The following CKAP5 variants were observed in gnomAD, a reference collection of about 807,000 sequenced individuals.
CKAP5 encodes the protein cytoskeleton associated protein 5, also known as cytoskeleton-associated protein 5.
A neutral mutation model predicts 232.8 loss-of-function variants in CKAP5; 27 were observed. The ratio of observed to expected loss-of-function variants is 0.12; its 90% CI spans 0.09 to 0.16. The LOEUF (loss-of-function observed/expected upper bound fraction) is 0.16, where lower values mean the gene tolerates loss of function less well. CKAP5 is among the 10% of genes least tolerant of loss of function. The pLI, the probability that CKAP5 is intolerant of heterozygous loss-of-function variation, is 1.00. For synonymous variants in CKAP5, 785 were observed against 841.1 expected, an observed-to-expected ratio of 0.93 and a Z score of 1.16; for missense variants, 1,838 against 2,424.7, an observed-to-expected ratio of 0.76 and a Z score of 5.08.
At chr11:46,842,043 T>C (rs1270792051) in intron 1 of CKAP5, among the ~76,000 whole-genome samples, 2 of 150,440 alleles carry the variant, frequency 1.3e-5, no homozygotes, top group African/African-American at 2.4e-5. Flanking sequence ...CCCTTGGTTA[T>C]TGTTATCTGT....
chr11:46,778,048 T>A, intron 22 of CKAP5, 91 bp downstream of exon 22: 1 of 1,027,482 alleles, frequency 9.7e-7, no homozygotes, highest in Non-Finnish European at 1.4e-6. Context: ...AAGTAACCAC[T>A]TATTTTTTGC....
intron 40 of CKAP5, 93 bp downstream of exon 40, chr11:46,751,025 C>G (rs987015318): frequency 4.1e-5 from 61 of 1,490,022 alleles, no homozygotes; most frequent in Non-Finnish European, 5.2e-5. Flanking sequence ...CACCTTGGAC[C>G]TTCGGAAAGC....
chr11:46,789,163 A>G (rs971861601), intron 15 of CKAP5, among the ~76,000 whole-genome samples: 1 of 152,206 alleles, frequency 6.6e-6, no homozygotes, highest in African/African-American at 2.4e-5. Context: ...ATAGATTTGA[A>G]GTTCTAAAGT....
At chr11:46,815,941 CCT>C (rs1481752392) in intron 4 of CKAP5, among the ~76,000 whole-genome samples, 3 of 152,132 alleles carry the variant, frequency 2.0e-5, no homozygotes, top group African/African-American at 2.4e-5. Context: ...AGAATTACCC[CCT>C]GAGCTCTGCC....
intron 28 of CKAP5, 30 bp from the exon 29 acceptor site, chr11:46,763,660 AC>A (rs2065175719): frequency 6.8e-7 from 1 of 1,477,582 alleles, no homozygotes; most frequent in Non-Finnish European, 9.0e-7. Flanking sequence ...AAAAGGGGCT[AC>A]AGGGTGTTCA....
intron 1 of CKAP5, among the ~76,000 whole-genome samples, chr11:46,822,742 A>C (rs58492437): frequency 8.8e-3 from 45 of 5,112 alleles, no homozygotes; most frequent in African/African-American, 0.037. Context: ...ACTCCGTCCC[A>C]AAAAAAAAAA....
chr11:46,788,409 TA>T (rs1736874669), intron 16 of CKAP5, among the ~76,000 whole-genome samples: 1 of 152,168 alleles, frequency 6.6e-6, no homozygotes, highest in South Asian at 2.1e-4. Flanking sequence ...ACCGCGTCTC[TA>T]CTAAAAATAC....
intron 7 of CKAP5, among the ~76,000 whole-genome samples, chr11:46,809,126 G>A (rs1303917185): frequency 6.6e-6 from 1 of 152,168 alleles, no homozygotes; most frequent in Middle Eastern, 3.2e-3. Context: ...GGAGGAATCC[G>A]GAGCTCTTTA....
chr11:46,744,394 CCCTGAACTG>C, intron 43 of CKAP5, 23 bp downstream of exon 43: 1 of 1,614,126 alleles, frequency 6.2e-7, no homozygotes. Flanking sequence ...TGACTACCCT[CCCTGAACTG>C]CACAGAAGAA....
chr11:46,813,174 C>G (rs1383153540), intron 4 of CKAP5, among the ~76,000 whole-genome samples: 2 of 152,038 alleles, frequency 1.3e-5, no homozygotes, highest in Non-Finnish European at 2.9e-5. Context: ...CCTACATAAT[C>G]TCTAAGATTT....
At chr11:46,775,837 AG>A (rs1266672210) in intron 24 of CKAP5, among the ~76,000 whole-genome samples, 2 of 151,712 alleles carry the variant, frequency 1.3e-5, no homozygotes, top group Non-Finnish European at 2.9e-5. Context: ...TAGCGGGGCA[AG>A]GGGAGGGATA....
At chr11:46,794,707 G>A (rs1938827972) in intron 13 of CKAP5, among the ~76,000 whole-genome samples, 1 of 152,042 alleles carries the variant, frequency 6.6e-6, no homozygotes, top group African/African-American at 2.4e-5. Flanking sequence ...ATGGTGGCAA[G>A]TCCCTGTCAT....
chr11:46,806,225 A>G (rs1307666904), intron 8 of CKAP5, among the ~76,000 whole-genome samples: 1 of 152,218 alleles, frequency 6.6e-6, no homozygotes, highest in Non-Finnish European at 1.5e-5. Context: ...ATAGTACAGC[A>G]AGAGATTATA....
intron 12 of CKAP5, among the ~76,000 whole-genome samples, chr11:46,796,069 G>A (rs1411302735): frequency 2.6e-5 from 4 of 151,158 alleles, no homozygotes; most frequent in Non-Finnish European, 5.9e-5. Flanking sequence ...GGAGGCTGAG[G>A]CACGAAAATC....
At chr11:46,789,682 G>C (rs779902873) in intron 15 of CKAP5, among the ~76,000 whole-genome samples, 11 of 152,010 alleles carry the variant, frequency 7.2e-5, no homozygotes, top group Admixed American at 1.3e-4. Flanking sequence ...TGTAGTCCCA[G>C]CTACTTAGGA....
chr11:46,756,162 A>C (rs771855303), intron 35 of CKAP5, among the ~76,000 whole-genome samples: 6 of 152,192 alleles, frequency 3.9e-5, no homozygotes, highest in Admixed American at 6.5e-5. Flanking sequence ...GTTTATATCT[A>C]ATCTATTGGC....
Position 46,750,539 on chromosome 11 carries a change from TTTC to T in CKAP5, c.5530_5532del (p.Glu1844del). 6.2e-7 allele frequency: 1 copy of T among 1,613,974 alleles called. No homozygotes were observed. Among genetic ancestry groups the T allele is most frequent in the Non-Finnish European group, 8.5e-7 (1 of 1,179,944 alleles). On this transcript the variant is annotated inframe_deletion, in exon 41 of 44. Coordinates refer to ENST00000529230, the MANE Select transcript of CKAP5 (RefSeq NM_001008938.4). ...CCTTTCACTCTCACCTCTTTAGTGT[TTTC>T]TTTAGAGCCAATCTTCTTAAAAATC...
At chr11:46,757,319 C>T (rs958080662) in intron 35 of CKAP5, among the ~76,000 whole-genome samples, 3 of 150,986 alleles carry the variant, frequency 2.0e-5, no homozygotes, top group Non-Finnish European at 4.4e-5. Context: ...CTGGTGAAAC[C>T]CTGTCTCTAC....
At chr11:46,828,294 A>T (rs1164592839) in intron 1 of CKAP5, among the ~76,000 whole-genome samples, 4 of 152,186 alleles carry the variant, frequency 2.6e-5, no homozygotes, top group Non-Finnish European at 5.9e-5. Flanking sequence ...TGCCAAGTAA[A>T]AAATGGATTC....
Sources: allele counts gnomAD v4.1 joint callset (sites outside exome capture counted in the v4.1 genomes callset), GRCh38; gene constraint gnomAD v4.1.1; transcripts MANE v1.5; gene names NCBI Gene and HGNC (gene_info 2026-07-23, HGNC 2026-07-21).